NUDT5: variants seen among roughly 807,000 people sequenced by gnomAD.
The protein encoded by NUDT5 is nudix hydrolase 5.
NUDT5 carries 21 observed loss-of-function variants against 34.1 expected under a neutral mutation model. The ratio of observed to expected loss-of-function variants is 0.62; its 90% CI spans 0.44 to 0.89. The LOEUF is 0.89. Among genes scored for constraint, NUDT5 ranks in the 40% least tolerant of loss-of-function variants. The pLI is 0.00. For missense variants in NUDT5, 249 were observed against 274.8 expected (o/e 0.91, Z 0.66); for synonymous variants, 85 against 97.6 (o/e 0.87, Z 0.76).
At chr10:12,177,416 G>A (rs1186867138) in intron 5 of NUDT5, among the ~76,000 whole-genome samples, 2 of 152,034 alleles carry the variant, frequency 1.3e-5, no homozygotes, top group Middle Eastern at 3.4e-3. Flanking sequence ...CCACTCGGGA[G>A]GCTGAAGCAG....
rs1478497369 is a variant in NUDT5, at chr10:12,182,929, GTT to G, written c.131+1958_131+1959del. On this transcript the variant is annotated intron_variant, in intron 3 of 9. Coordinates refer to ENST00000491614, the MANE Select transcript of NUDT5 (RefSeq NM_014142.4). This position sits in a 1 kb window ranked among gnomAD's most constrained non-coding sequence, Gnocchi z 4.3. ...TTTTTGTATTTTTAGTAGAGACGGG[GTT>G]TCACAATGTTGGCCAGGCTGGTCTC... 6.6e-6 allele frequency among the ~76,000 whole-genome samples: 1 copy of G among 152,148 alleles called. No homozygotes were observed. Among genetic ancestry groups the G allele is most frequent in the East Asian group, 1.9e-4 (1 of 5,198 alleles).
At position 12,179,018 on chromosome 10, in the gene NUDT5, A is replaced by C. The variant is rs147610944; in HGVS notation, c.181+65T>G. 278 of 1,348,676 alleles carry C rather than the reference A, an allele frequency of 2.1e-4. 2 individuals are homozygous for C. In the African/African-American group the frequency reaches 3.4e-3, roughly 16 times the overall value. 83.5% of individuals were successfully genotyped at this position (1,348,676 alleles called of 1,614,324 possible). A position where few individuals can be genotyped will look rare whatever the true frequency, so the allele number is the denominator to read the frequency against. On this transcript the variant is annotated intron_variant, in intron 4 of 9. Transcript: ENST00000491614. ...TAGAAGTTAACTTGGTTCCATTGAA[A>C]ACCCTCTTACGATCACAAGTGCTAA...
rs373661831 is a variant in NUDT5 at position 12,169,228 on chromosome 10, C to A, written c.551-1417G>T. ...GTAGCCCTCTCTCCACCTCCCCTCA[C>A]TTATTCTATTTTTTTCTCCCTTTTC... On this transcript the variant is annotated intron_variant, in intron 9 of 9. Coordinates refer to ENST00000491614, the MANE Select transcript of NUDT5 (RefSeq NM_014142.4). This position sits in a 1 kb window ranked among gnomAD's most constrained non-coding sequence, Gnocchi z 4.8. 708 of 1,476,048 alleles carry A rather than the reference C, an allele frequency of 4.8e-4. 3 individuals are homozygous for A. The African/African-American group carries it at 8.8e-3, about 18-fold the overall frequency. The allele number at this position is 1,476,048 out of a possible 1,614,324, so 91.4% of individuals were successfully genotyped here. A position where few individuals can be genotyped will look rare whatever the true frequency, so the allele number is the denominator to read the frequency against.
At chr10:12,189,136 C>T (rs930888030) in intron 1 of NUDT5, among the ~76,000 whole-genome samples, 3 of 151,920 alleles carry the variant, frequency 2.0e-5, no homozygotes, top group Non-Finnish European at 4.4e-5. Context: ...GATGGAGTTT[C>T]GCTCTTGTTG....
chr10:12,177,921 C>T, intron 4 of NUDT5, 21 bp from the exon 5 acceptor site: 2 of 1,582,958 alleles, frequency 1.3e-6, no homozygotes, highest in South Asian at 1.1e-5. Flanking sequence ...GAAATGGAAC[C>T]AAGGAAATCC....
chr10:12,172,900 C>T (rs780514770), intron 6 of NUDT5, 34 bp from the exon 7 acceptor site: 134 of 1,464,638 alleles, frequency 9.1e-5, no homozygotes, highest in Admixed American at 6.6e-4. Context: ...ATGCGTCAGT[C>T]CCTTTGGCAT....
In NUDT5 at chr10:12,169,813, T is replaced by G; in HGVS notation, c.550+904A>C. 3.3e-6 allele frequency: 1 copy of G among 302,794 alleles called. No individual in the cohort carries two copies. Among genetic ancestry groups the G allele is most frequent in the South Asian group, 1.0e-4 (1 of 9,602 alleles). The allele number at this position is 302,794 out of a possible 1,614,324, so 18.8% of individuals were successfully genotyped here. On this transcript the variant is annotated intron_variant, in intron 9 of 9. Coordinates refer to ENST00000491614, the MANE Select transcript of NUDT5 (RefSeq NM_014142.4). This position sits in a 1 kb window ranked among gnomAD's most constrained non-coding sequence, Gnocchi z 4.8. ...CACTGAAACCGTAAGCTGCTGAAAC[T>G]CAGGGAAAAGCTTAAGAAACTGGTC...
intron 1 of NUDT5, 122 bp downstream of exon 1, chr10:12,195,648 C>G (rs1337860133): frequency 6.5e-6 from 1 of 152,728 alleles, no homozygotes; most frequent in African/African-American, 2.4e-5. Flanking sequence ...GGACGCGTGC[C>G]CAGCCGCAGC....
Position 12,173,175 on chromosome 10 carries a change from G to A in NUDT5, c.386-309C>T, listed in dbSNP as rs978755553. On this transcript the variant is annotated intron_variant, in intron 6 of 9. Coordinates refer to ENST00000491614, the MANE Select transcript of NUDT5 (RefSeq NM_014142.4). The surrounding 1 kb of genome is among the most constrained non-coding windows in gnomAD (Gnocchi z 4.7). Reference sequence around the variant, plus strand: ...AGGGTAGCACATGCATGAGATGGGTGAGCAATAAAACTCAGGGGGTAGGAA... The same window carrying A: ...AGGGTAGCACATGCATGAGATGGGTAAGCAATAAAACTCAGGGGGTAGGAA... Among the ~76,000 whole-genome samples the A allele has an allele frequency of 6.6e-6, 1 of 152,184 alleles. No homozygotes were observed. The highest frequency in any genetic ancestry group is 1.5e-5 in the Non-Finnish European group (1 of 68,034).
In NUDT5 at chr10:12,170,982, C is replaced by A; in HGVS notation, c.488-74G>T. On this transcript the variant is annotated intron_variant, in intron 7 of 9. Coordinates refer to ENST00000491614, the MANE Select transcript of NUDT5 (RefSeq NM_014142.4). This position sits in a 1 kb window ranked among gnomAD's most constrained non-coding sequence, Gnocchi z 4.9. ...CATCGGAAGACTTTTATACAAGAGGCGTCAAAAAGGCTTTGAGAATTTCAC... is the reference window on the plus strand; with the variant it reads ...CATCGGAAGACTTTTATACAAGAGGAGTCAAAAAGGCTTTGAGAATTTCAC... The A allele has an allele frequency of 2.6e-6, 4 of 1,511,466 alleles. No homozygotes were observed. Among genetic ancestry groups the A allele is most frequent in the African/African-American group, 1.4e-5 (1 of 72,226 alleles). 93.6% of individuals were successfully genotyped at this position (1,511,466 alleles called of 1,614,324 possible). A position where few individuals can be genotyped will look rare whatever the true frequency, so the allele number is the denominator to read the frequency against.
Position 12,165,459 on chromosome 10 carries a change from CTGAGATGCCTGT to C in NUDT5, c.*2231_*2242del. On this transcript the variant is annotated 3_prime_UTR_variant, in exon 10 of 10. Transcript: ENST00000491614. ...TCAGTGTATTCATAAGAAGTCCACC[CTGAGATGCCTGT>C]AAAAGTCAAATGTAATTACACTTCA... 1.5e-6 allele frequency: 1 copy of C among 658,452 alleles called. No homozygotes were observed. The highest frequency in any genetic ancestry group is 1.9e-6 in the Non-Finnish European group (1 of 531,722). 40.8% of individuals were successfully genotyped at this position (658,452 alleles called of 1,614,324 possible).
Position 12,165,511 on chromosome 10 carries a change from A to C in NUDT5, c.*2191T>G, listed in dbSNP as rs529434541. ...ATTACACTTCAAACTTTAATCCTAAATTATTGACAGATAGATAGATAGTGA... is the reference window on the plus strand; with the variant it reads ...ATTACACTTCAAACTTTAATCCTAACTTATTGACAGATAGATAGATAGTGA... On this transcript the variant is annotated 3_prime_UTR_variant, in exon 10 of 10. Transcript: ENST00000491614. The C allele has an allele frequency of 3.8e-6, 1 of 263,154 alleles. No individual in the cohort carries two copies. The highest frequency in any genetic ancestry group is 1.8e-4 in the East Asian group (1 of 5,606). 16.3% of individuals were successfully genotyped at this position (263,154 alleles called of 1,614,324 possible). A position where few individuals can be genotyped will look rare whatever the true frequency, so the allele number is the denominator to read the frequency against.
chr10:12,191,388 C>T (rs1835227831), intron 1 of NUDT5, among the ~76,000 whole-genome samples: 1 of 144,816 alleles, frequency 6.9e-6, no homozygotes, highest in Non-Finnish European at 1.5e-5. Flanking sequence ...GTCTCAAAAA[C>T]AAAAACAAAA....
Position 12,184,901 on chromosome 10 carries a change from G to C in NUDT5, c.119C>G (p.Thr40Ser). The change falls in exon 3 of 10, where the codon ACT (threonine) becomes AGT (serine). Residue 40 changes from threonine to serine, a missense_variant. Transcript: ENST00000491614. ...AAAAAAAGTTTACCTAGTTTTACCA[G>C]TAGGATCCATGTACGTTGTTTTTTC... ...KLEKTTYMDP[T>S]GKTRTWESVK... 1 of 1,565,990 alleles carries C rather than the reference G, an allele frequency of 6.4e-7. No homozygotes were observed. The highest frequency in any genetic ancestry group is 8.7e-7 in the Non-Finnish European group (1 of 1,147,434).
chr10:12,178,578 C>T (rs770272174), intron 4 of NUDT5, among the ~76,000 whole-genome samples: 1 of 152,234 alleles, frequency 6.6e-6, no homozygotes, highest in Non-Finnish European at 1.5e-5. Flanking sequence ...AACTTCCCCT[C>T]GACCAGAGTG....
chr10:12,189,489 C>G (rs1232285523), intron 1 of NUDT5, among the ~76,000 whole-genome samples: 1 of 152,146 alleles, frequency 6.6e-6, no homozygotes, highest in East Asian at 1.9e-4. Flanking sequence ...CCGTGAATGA[C>G]AAAAATGAGC....
chr10:12,184,026 T>C (rs897490043), intron 3 of NUDT5, among the ~76,000 whole-genome samples: 4 of 152,208 alleles, frequency 2.6e-5, no homozygotes, highest in African/African-American at 9.6e-5. Context: ...TGAATGCTAA[T>C]TTACTTAATA....
At position 12,184,878 on chromosome 10, in the gene NUDT5, A is replaced by T; in HGVS notation, c.131+11T>A. The T allele has an allele frequency of 6.5e-7, 1 of 1,534,470 alleles. No individual in the cohort carries two copies. Among genetic ancestry groups the T allele is most frequent in the Non-Finnish European group, 8.9e-7 (1 of 1,121,386 alleles). On this transcript the variant is annotated intron_variant, in intron 3 of 9. Transcript: ENST00000491614. ...ATAACGAACATTTTGTAAGAAAAAA[A>T]AAAAGTTTACCTAGTTTTACCAGTA...
At chr10:12,167,905 T>G (rs1834746014) in intron 9 of NUDT5, 94 bp from the exon 10 acceptor site, 1 of 1,552,302 alleles carries the variant, frequency 6.4e-7, no homozygotes, top group African/African-American at 1.4e-5. Flanking sequence ...TACTACTATA[T>G]GTCACTTCCT....
Sources: allele counts gnomAD v4.1 joint callset (sites outside exome capture counted in the v4.1 genomes callset), GRCh38; gene constraint gnomAD v4.1.1; non-coding constraint Gnocchi (gnomAD v3.1); transcripts MANE v1.5; gene names NCBI Gene and HGNC (gene_info 2026-07-23, HGNC 2026-07-21).